Variants in DMD observed in about 807,000 individuals in gnomAD.
The protein encoded by DMD is mutant dystrophin.
A neutral mutation model predicts 330.1 loss-of-function variants in DMD; 63 were observed. That is an observed-to-expected ratio of 0.19 (90% CI 0.16 to 0.24). DMD has a LOEUF of 0.24. DMD is among the 10% of genes least tolerant of loss of function. DMD has a pLI of 1.00. For missense variants in DMD, 3,344 were observed against 2,684.1 expected (o/e 1.25, Z -5.43); for synonymous variants, 1,223 against 959.8 (o/e 1.27, Z -5.07).
At chrX:33,062,308 T>C (rs1244548253) in intron 1 of DMD, among the ~76,000 whole-genome samples, 1 of 111,679 alleles carries the variant, frequency 9.0e-6, no homozygotes, top group African/African-American at 3.3e-5. Flanking sequence ...GGAATTGAAT[T>C]GATATTGAAT....
chrX:32,807,068 C>A (rs960367079), intron 7 of DMD, among the ~76,000 whole-genome samples: 14 of 73,184 alleles, frequency 1.9e-4, no homozygotes, highest in Admixed American at 5.7e-4. Context: ...CAAAAGCTAG[C>A]AGAAGACAAG....
At chrX:32,695,110 A>G (rs747179983) in intron 9 of DMD, among the ~76,000 whole-genome samples, 8 of 112,342 alleles carry the variant, frequency 7.1e-5, no homozygotes, top group Non-Finnish European at 1.3e-4. Context: ...ATTCAAACAC[A>G]AGCGCTAAAT....
chrX:32,858,687 G>A (rs907928777), intron 2 of DMD, among the ~76,000 whole-genome samples: 1 of 110,639 alleles, frequency 9.0e-6, no homozygotes, highest in African/African-American at 3.3e-5. Flanking sequence ...CCGTTCCCAC[G>A]GTCTGATGTG....
intron 1 of DMD, among the ~76,000 whole-genome samples, chrX:33,170,076 T>G (rs752516078): frequency 1.2e-4 from 13 of 111,351 alleles, no homozygotes; most frequent in Non-Finnish European, 2.5e-4. Flanking sequence ...CCCATGAGGT[T>G]CCGCTCTCAC....
chrX:32,262,939 C>T (rs1035144730), intron 43 of DMD, among the ~76,000 whole-genome samples: 2 of 111,657 alleles, frequency 1.8e-5, no homozygotes, highest in Admixed American at 9.5e-5. Context: ...CATCATCATT[C>T]AACTCCTCTC....
chrX:32,636,295 C>A lies in DMD; in HGVS notation c.1331+7837G>T, dbSNP rs191920312. On this transcript the variant is annotated intron_variant, in intron 11 of 78. Coordinates refer to ENST00000357033, the MANE Select transcript of DMD (RefSeq NM_004006.3). ...TAATTGCCATAGTTATTATACTGCA[C>A]CCTGCAACCTGATCTTGGAGGTCAA... Among the ~76,000 whole-genome samples the A allele has an allele frequency of 9.6e-4, 107 of 111,856 alleles. 1 individual carries two copies. The highest frequency in any genetic ancestry group is 9.4e-4 in the Non-Finnish European group (50 of 53,178).
At chrX:32,837,747 A>C (rs1277734913) in intron 4 of DMD, among the ~76,000 whole-genome samples, 1 of 111,906 alleles carries the variant, frequency 8.9e-6, no homozygotes, top group East Asian at 2.8e-4. Context: ...ATGAACTGAA[A>C]ATGAAAATGC....
chrX:32,714,399 C>A (rs1427534292), intron 7 of DMD, among the ~76,000 whole-genome samples: 4 of 111,189 alleles, frequency 3.6e-5, no homozygotes, highest in Admixed American at 1.9e-4. Flanking sequence ...GATTAGTTAC[C>A]ACTTATAGGA....
At chrX:31,380,684 C>T (rs1351040046) in intron 60 of DMD, among the ~76,000 whole-genome samples, 1 of 110,908 alleles carries the variant, frequency 9.0e-6, no homozygotes, top group African/African-American at 3.3e-5. Context: ...CCCTGTGGTG[C>T]CAAACCCATA....
intron 1 of DMD, among the ~76,000 whole-genome samples, chrX:33,330,775 G>A (rs754340804): frequency 9.0e-5 from 10 of 111,623 alleles, no homozygotes; most frequent in Non-Finnish European, 1.9e-4. Flanking sequence ...CAAATATGTC[G>A]CTTTACCCTT....
intron 55 of DMD, among the ~76,000 whole-genome samples, chrX:31,530,670 A>AATTTTTTTTTTTTTTTTTTT (rs2073699592): frequency 2.1e-5 from 1 of 48,128 alleles, no homozygotes; most frequent in Non-Finnish European, 3.8e-5. Context: ...TTTTTTTTTT[A>AATTTTTTTTTTTTTTTTTTT]ATTTTTTTTT....
In DMD at chrX:32,451,700, C is replaced by T. The variant is rs754717639; in HGVS notation, c.3603+2962G>A. On this transcript the variant is annotated intron_variant, in intron 26 of 78. Coordinates refer to ENST00000357033, the MANE Select transcript of DMD (RefSeq NM_004006.3). ...GATGTCAAAATAGGTCTGTTAGTAT[C>T]TTCTGACAATAAAGAAAAATTAGCT... 9.9e-5 allele frequency among the ~76,000 whole-genome samples: 11 copies of T among 110,610 alleles called. No homozygotes were observed. In the South Asian group the frequency reaches 1.5e-3, roughly 15 times the overall value.
At chrX:31,937,491 A>T (rs1179318237) in intron 45 of DMD, among the ~76,000 whole-genome samples, 1 of 111,576 alleles carries the variant, frequency 9.0e-6, no homozygotes, top group Non-Finnish European at 1.9e-5. Context: ...TTTGGTAGTC[A>T]TTTCTTATCT....
chrX:32,657,681 G>A (rs1303308102), intron 9 of DMD, among the ~76,000 whole-genome samples: 8 of 111,827 alleles, frequency 7.2e-5, no homozygotes, highest in Non-Finnish European at 1.5e-4. Flanking sequence ...GTATTTGGTT[G>A]GAATTCATAT....
intron 22 of DMD, among the ~76,000 whole-genome samples, chrX:32,471,325 ATTTC>A (rs751428646): frequency 8.9e-6 from 1 of 112,077 alleles, no homozygotes; most frequent in South Asian, 3.7e-4. Flanking sequence ...CTTACAAATT[ATTTC>A]TTTCATTTCC....
chrX:31,908,009 A>C (rs962913463), intron 47 of DMD, among the ~76,000 whole-genome samples: 3 of 112,287 alleles, frequency 2.7e-5, no homozygotes, highest in Non-Finnish European at 5.6e-5. Flanking sequence ...TCAAAACCAC[A>C]ATGAGATACC....
At chrX:32,298,705 A>C in intron 42 of DMD, among the ~76,000 whole-genome samples, 1 of 110,714 alleles carries the variant, frequency 9.0e-6, no homozygotes, top group Non-Finnish European at 1.9e-5. Flanking sequence ...TATCACTTAA[A>C]TCAAACTTTG....
At chrX:31,164,013 A>G (rs1362627069) in intron 74 of DMD, among the ~76,000 whole-genome samples, 1 of 111,963 alleles carries the variant, frequency 8.9e-6, no homozygotes, top group Non-Finnish European at 1.9e-5. Flanking sequence ...GCCAGGGGAG[A>G]AGGTTGGAGA....
chrX:32,721,398 C>T (rs1056892813), intron 7 of DMD, among the ~76,000 whole-genome samples: 1 of 109,979 alleles, frequency 9.1e-6, no homozygotes, highest in Admixed American at 9.8e-5. Flanking sequence ...TAATACTCAT[C>T]CTAACAGGTA....
Sources: allele counts gnomAD v4.1 joint callset (sites outside exome capture counted in the v4.1 genomes callset), GRCh38; gene constraint gnomAD v4.1.1; transcripts MANE v1.5; gene names NCBI Gene and HGNC (gene_info 2026-07-23, HGNC 2026-07-21).